Variants in ANKS1B observed in about 807,000 individuals in gnomAD.
ANKS1B encodes the protein ankyrin repeat and sterile alpha motif domain containing 1B, also known as ankyrin repeat and sterile alpha motif domain-containing protein 1B.
ANKS1B carries 36 observed loss-of-function variants against 148.3 expected under a neutral mutation model. That is an observed-to-expected ratio of 0.24 (90% confidence interval 0.19 to 0.32). ANKS1B has a LOEUF of 0.32. Among genes scored for constraint, ANKS1B ranks in the 10% least tolerant of loss-of-function variants. The pLI is 1.00. For missense variants in ANKS1B, 1,157 were observed against 1,542.6 expected (o/e 0.75, Z 4.19); for synonymous variants, 542 against 560.8 (o/e 0.97, Z 0.47).
At chr12:99,628,737 G>A (rs77052534) in intron 9 of ANKS1B, among the ~76,000 whole-genome samples, 229 of 152,250 alleles carry the variant, frequency 1.5e-3, no homozygotes, top group African/African-American at 5.1e-3. Flanking sequence ...CCTTCTTGCT[G>A]TGTTATCCCA....
At chr12:99,373,087 C>T (rs1228839262) in intron 12 of ANKS1B, among the ~76,000 whole-genome samples, 1 of 152,122 alleles carries the variant, frequency 6.6e-6, no homozygotes, top group Non-Finnish European at 1.5e-5. Context: ...AAGAAGATCA[C>T]TAGTAAATTT....
intron 6 of ANKS1B, among the ~76,000 whole-genome samples, chr12:99,779,658 C>A (rs1327514810): frequency 6.6e-6 from 1 of 151,396 alleles, no homozygotes; most frequent in Non-Finnish European, 1.5e-5. Context: ...AAATAAATAC[C>A]TTAACTTCTT....
intron 10 of ANKS1B, among the ~76,000 whole-genome samples, chr12:99,494,409 T>G (rs2096583020): frequency 6.6e-6 from 1 of 152,174 alleles, no homozygotes; most frequent in African/African-American, 2.4e-5. Context: ...TCTTGTGGTT[T>G]GCTACTGCTT....
intron 9 of ANKS1B, among the ~76,000 whole-genome samples, chr12:99,620,635 C>T (rs2098036113): frequency 6.6e-6 from 1 of 152,004 alleles, no homozygotes; most frequent in Non-Finnish European, 1.5e-5. Context: ...CCAATTGACT[C>T]GACCAAGCTG....
exon 10 of ANKS1B, chr12:98,735,367 A>G (rs546952447): frequency 9.3e-6 from 4 of 429,736 alleles, no homozygotes; most frequent in South Asian, 7.3e-5. Flanking sequence ...GCCTTGGTAT[A>G]CATTTTAAAA....
At chr12:99,021,775 A>C (rs1181917814) in intron 17 of ANKS1B, among the ~76,000 whole-genome samples, 1 of 152,208 alleles carries the variant, frequency 6.6e-6, no homozygotes, top group Non-Finnish European at 1.5e-5. Context: ...GTGTCAATCA[A>C]AAGTAATATA....
chr12:99,098,610 T>C (rs1365529471), intron 15 of ANKS1B, among the ~76,000 whole-genome samples: 1 of 134,454 alleles, frequency 7.4e-6, no homozygotes, highest in African/African-American at 2.7e-5. Context: ...GCATGCCTGC[T>C]AGGAACTACT....
Position 99,504,715 on chromosome 12 carries a change from G to T in ANKS1B, c.1273-74C>A, listed in dbSNP as rs1021047142. 4 of 1,143,812 alleles carry T rather than the reference G, an allele frequency of 3.5e-6. No homozygotes were observed. The African/African-American group carries it at 4.7e-5, about 14-fold the overall frequency. The allele number at this position is 1,143,812 out of a possible 1,614,324, so 70.9% of individuals were successfully genotyped here. A position where few individuals can be genotyped will look rare whatever the true frequency, so the allele number is the denominator to read the frequency against. Reference sequence around the variant, plus strand: ...TGTTTAATTTATAAAAACTAGAAAAGATAATCAGGTTCATTAGTTCTTTCC... The same window carrying T: ...TGTTTAATTTATAAAAACTAGAAAATATAATCAGGTTCATTAGTTCTTTCC... On this transcript the variant is annotated intron_variant, in intron 9 of 26. Transcript: ENST00000683438.
At chr12:99,603,413 G>T (rs557263177) in intron 9 of ANKS1B, among the ~76,000 whole-genome samples, 1 of 152,012 alleles carries the variant, frequency 6.6e-6, no homozygotes, top group Non-Finnish European at 1.5e-5. Flanking sequence ...CATCTATAAG[G>T]CAACCATGTG....
At chr12:99,443,950 A>G (rs945513254) in intron 10 of ANKS1B, 141 bp from the exon 11 acceptor site, 3 of 954,222 alleles carry the variant, frequency 3.1e-6, no homozygotes, top group Non-Finnish European at 4.6e-6. Flanking sequence ...GAATATGCTC[A>G]GTAGTATATT....
At chr12:99,392,334 T>A (rs924438947) in intron 12 of ANKS1B, among the ~76,000 whole-genome samples, 1 of 152,262 alleles carries the variant, frequency 6.6e-6, no homozygotes, top group Admixed American at 6.5e-5. Flanking sequence ...TGCCACCCTC[T>A]CCATTCTAAT....
rs1431208180 is a variant in ANKS1B at position 99,460,690 on chromosome 12, A to G, written c.1439-16881T>C. Reference sequence around the variant, plus strand: ...ATCAGGGAAATGCAAATCAAAACCAAAATGAGATACCACCTTACTCCTGCA... The same window carrying G: ...ATCAGGGAAATGCAAATCAAAACCAGAATGAGATACCACCTTACTCCTGCA... On this transcript the variant is annotated intron_variant, in intron 10 of 26. Coordinates refer to ENST00000683438, the MANE Select transcript of ANKS1B (RefSeq NM_001352186.2). 2.6e-5 allele frequency among the ~76,000 whole-genome samples: 4 copies of G among 151,934 alleles called. No individual in the cohort carries two copies. In the South Asian group the frequency reaches 6.2e-4, roughly 24 times the overall value.
At chr12:99,876,448 C>T (rs898049150) in intron 1 of ANKS1B, among the ~76,000 whole-genome samples, 9 of 152,086 alleles carry the variant, frequency 5.9e-5, no homozygotes, top group African/African-American at 1.2e-4. Context: ...AGAGGCCAGG[C>T]GCAGTGGCTC....
intron 17 of ANKS1B, among the ~76,000 whole-genome samples, chr12:98,998,229 T>C (rs2099930864): frequency 6.6e-6 from 1 of 152,132 alleles, no homozygotes; most frequent in South Asian, 2.1e-4. Flanking sequence ...GACACTGGAA[T>C]TGGAGGATTT....
Position 99,859,852 on chromosome 12 carries a change from T to C in ANKS1B, c.135-34463A>G, listed in dbSNP as rs370457634. Among the ~76,000 whole-genome samples, 184 of 152,302 alleles carry C rather than the reference T, an allele frequency of 1.2e-3. 4 individuals carry two copies. In the South Asian group the frequency reaches 0.03, roughly 25 times the overall value. The stretch of plus-strand genomic sequence containing the variant: ...TAGTAGATACAGGGTTTCATCATGT[T>C]GGCCAGGCTGGTCTTGAACTCCTGA... On this transcript the variant is annotated intron_variant, in intron 1 of 26. Transcript: ENST00000683438.
chr12:99,611,083 G>A (rs2097897972), intron 9 of ANKS1B, among the ~76,000 whole-genome samples: 1 of 151,990 alleles, frequency 6.6e-6, no homozygotes, highest in Non-Finnish European at 1.5e-5. Flanking sequence ...AAGTCCAGCA[G>A]GAGAGACCTC....
chr12:99,404,482 G>T lies in ANKS1B; in HGVS notation c.1576-4671C>A, dbSNP rs1449144367. ...TGAAAAGAATCAAGCAGAAATTCTG[G>T]AGCTGAAAAATGCAACTGGTATACT... On this transcript the variant is annotated intron_variant, in intron 11 of 26. Transcript: ENST00000683438. 1.4e-5 allele frequency among the ~76,000 whole-genome samples: 2 copies of T among 145,738 alleles called. 1 individual carries two copies. The highest frequency in any genetic ancestry group is 3.0e-5 in the Non-Finnish European group (2 of 66,072).
intron 10 of ANKS1B, among the ~76,000 whole-genome samples, chr12:99,489,464 GAGC>G (rs2096535025): frequency 6.6e-6 from 1 of 151,938 alleles, no homozygotes; most frequent in South Asian, 2.1e-4. Flanking sequence ...ACATATTTTT[GAGC>G]TACTAGAAGA....
chr12:99,526,927 T>C (rs538361849), intron 9 of ANKS1B, among the ~76,000 whole-genome samples: 48 of 152,136 alleles, frequency 3.2e-4, no homozygotes, highest in Non-Finnish European at 2.4e-4. Context: ...ATGACAAGTG[T>C]CGTTATAAAA....
Sources: gnomAD v4.1 joint callset for allele counts (sites outside exome capture counted in the v4.1 genomes callset) on GRCh38, gnomAD v4.1.1 for gene constraint, MANE v1.5 for transcripts, NCBI Gene and HGNC (gene_info 2026-07-23, HGNC 2026-07-21) for gene names.